Variants in LHFPL3 observed in about 807,000 individuals in gnomAD.
LHFPL3 encodes LHFPL tetraspan subfamily member 3, also known as LHFPL tetraspan subfamily member 3 protein.
In LHFPL3, 5 loss-of-function variants were observed where a neutral mutation model predicts 19.3. That is an observed-to-expected ratio of 0.26 (90% confidence interval 0.14 to 0.54). The LOEUF (loss-of-function observed/expected upper bound fraction) is 0.54, where lower values mean the gene tolerates loss of function less well. LHFPL3 is among the 20% of genes least tolerant of loss of function. LHFPL3 has a pLI of 0.94. For synonymous variants in LHFPL3, 133 were observed against 126.2 expected, an observed-to-expected ratio of 1.05 and a Z score of -0.36; for missense variants, 249 against 307.4, an observed-to-expected ratio of 0.81 and a Z score of 1.42.
intron 2 of LHFPL3, among the ~76,000 whole-genome samples, chr7:104,880,145 G>A (rs532613388): frequency 5.9e-5 from 9 of 152,272 alleles, no homozygotes; most frequent in African/African-American, 1.9e-4. Flanking sequence ...TGGAGGTGGG[G>A]CCTTAGTGGG....
At chr7:104,389,624 T>C (rs999062280) in intron 1 of LHFPL3, among the ~76,000 whole-genome samples, 2 of 152,192 alleles carry the variant, frequency 1.3e-5, no homozygotes, top group Admixed American at 6.5e-5. Context: ...ACTACAAAGC[T>C]ACATTATTTA....
At chr7:104,452,430 A>G (rs1792457806) in intron 1 of LHFPL3, among the ~76,000 whole-genome samples, 1 of 152,236 alleles carries the variant, frequency 6.6e-6, no homozygotes, top group Non-Finnish European at 1.5e-5. Context: ...CTTAGGATAC[A>G]TTCCTAGAAG....
chr7:104,872,366 G>A (rs184701386), intron 2 of LHFPL3, among the ~76,000 whole-genome samples: 77 of 147,004 alleles, frequency 5.2e-4, no homozygotes, highest in African/African-American at 1.6e-3. Flanking sequence ...AGACACAGGC[G>A]AGGCACAGTG....
intron 1 of LHFPL3, among the ~76,000 whole-genome samples, chr7:104,491,657 A>G (rs753244184): frequency 7.2e-5 from 11 of 152,112 alleles, no homozygotes; most frequent in African/African-American, 1.4e-4. Flanking sequence ...CCCACTTCCC[A>G]TTGGAAGTGC....
At chr7:104,685,960 A>T (rs1256911751) in intron 1 of LHFPL3, among the ~76,000 whole-genome samples, 1 of 152,250 alleles carries the variant, frequency 6.6e-6, no homozygotes, top group Non-Finnish European at 1.5e-5. Context: ...CTAGTGTATT[A>T]GGTAGAAATA....
chr7:104,640,574 G>A (rs6947398), intron 1 of LHFPL3, among the ~76,000 whole-genome samples: 148,535 of 152,324 alleles, frequency 0.98, 72,515 homozygotes, highest in Non-Finnish European at 1. Context: ...TAGTGCTGCA[G>A]TAAACACATG....
In LHFPL3 at chr7:104,425,109, A is replaced by T. The variant is rs193034149; in HGVS notation, c.445+95885A>T. ...GACAAAGACATGAGGTAGGTGAGGG[A>T]CAATAAAAAGTATTCTGATCACTAC... On this transcript the variant is annotated intron_variant, in intron 1 of 2. Transcript: ENST00000424859. Among the ~76,000 whole-genome samples the T allele has an allele frequency of 5.5e-4, 84 of 151,942 alleles. 1 individual carries two copies. The highest frequency in any genetic ancestry group is 4.2e-3 in the Admixed American group (64 of 15,262).
intron 1 of LHFPL3, among the ~76,000 whole-genome samples, chr7:104,684,227 G>A (rs1219404939): frequency 6.6e-6 from 1 of 152,206 alleles, no homozygotes; most frequent in Non-Finnish European, 1.5e-5. Flanking sequence ...GATTATGGGT[G>A]CCCCAACCCC....
intron 1 of LHFPL3, among the ~76,000 whole-genome samples, chr7:104,393,811 A>G (rs958465719): frequency 2.4e-4 from 37 of 152,214 alleles, no homozygotes; most frequent in African/African-American, 8.2e-4. Context: ...ATGAATGAAT[A>G]TTGAAAATAT....
At chr7:104,611,396 C>T (rs974828963) in intron 1 of LHFPL3, among the ~76,000 whole-genome samples, 2 of 152,172 alleles carry the variant, frequency 1.3e-5, no homozygotes, top group Non-Finnish European at 2.9e-5. Flanking sequence ...CCAAGCAATA[C>T]AGGCCACGTG....
chr7:104,619,964 G>T (rs910769744), intron 1 of LHFPL3, among the ~76,000 whole-genome samples: 7 of 152,186 alleles, frequency 4.6e-5, no homozygotes, highest in Admixed American at 4.6e-4. Flanking sequence ...CCTTGCATGT[G>T]CAGTTCACAA....
At chr7:104,668,699 T>C (rs1303185541) in intron 1 of LHFPL3, 8 of 1,605,366 alleles carry the variant, frequency 5.0e-6, no homozygotes, top group Non-Finnish European at 5.9e-6. Flanking sequence ...GGGATGATTA[T>C]AGGCGTGATG....
chr7:104,752,578 A>AT (rs1183914059), intron 2 of LHFPL3: 5 of 253,378 alleles, frequency 2.0e-5, no homozygotes, highest in Non-Finnish European at 3.6e-5. Context: ...GCTTGATTAG[A>AT]TTTTTTGTAG....
intron 2 of LHFPL3, among the ~76,000 whole-genome samples, chr7:104,745,624 A>G (rs1179241263): frequency 6.6e-6 from 1 of 152,212 alleles, no homozygotes; most frequent in Admixed American, 6.5e-5. Flanking sequence ...ATCTTCATTC[A>G]TTATATTTCC....
intron 1 of LHFPL3, among the ~76,000 whole-genome samples, chr7:104,586,195 G>A (rs1699260051): frequency 6.6e-6 from 1 of 152,142 alleles, no homozygotes; most frequent in Admixed American, 6.6e-5. Context: ...GTTGGAATTT[G>A]AGCCTAGGGA....
intron 2 of LHFPL3, among the ~76,000 whole-genome samples, chr7:104,836,302 CT>C (rs1562809372): frequency 2.0e-5 from 3 of 152,086 alleles, no homozygotes; most frequent in African/African-American, 7.2e-5. Flanking sequence ...GGATTTTACT[CT>C]AACTGTGATG....
At chr7:104,600,129 A>T (rs1461311306) in intron 1 of LHFPL3, among the ~76,000 whole-genome samples, 1 of 152,232 alleles carries the variant, frequency 6.6e-6, no homozygotes, top group Non-Finnish European at 1.5e-5. Context: ...AACCATTGGA[A>T]CTATAACCTG....
At chr7:104,495,480 T>C (rs1793452713) in intron 1 of LHFPL3, among the ~76,000 whole-genome samples, 1 of 152,164 alleles carries the variant, frequency 6.6e-6, no homozygotes, top group East Asian at 1.9e-4. Context: ...ACCTTCCGGG[T>C]TCACGCCATT....
chr7:104,647,606 T>G (rs892470529), intron 1 of LHFPL3, among the ~76,000 whole-genome samples: 1 of 152,248 alleles, frequency 6.6e-6, no homozygotes, highest in Non-Finnish European at 1.5e-5. Context: ...AGCAGCACAT[T>G]CAACCATAGT....
Sources: gnomAD v4.1 joint callset for allele counts (sites outside exome capture counted in the v4.1 genomes callset) on GRCh38, gnomAD v4.1.1 for gene constraint, MANE v1.5 for transcripts, NCBI Gene and HGNC (gene_info 2026-07-23, HGNC 2026-07-21) for gene names.